Variants in FMN1 observed in about 807,000 individuals in gnomAD.
The protein encoded by FMN1 is formin-1.
Under a neutral mutation model 132.4 loss-of-function variants are expected in FMN1, and 110 were observed. The observed-to-expected ratio is 0.83, with a 90% CI of 0.71 to 0.97. The LOEUF (loss-of-function observed/expected upper bound fraction) is 0.97, where lower values mean the gene tolerates loss of function less well. FMN1 is among the 50% of genes least tolerant of loss of function. The pLI is 0.00. For missense variants in FMN1, 1,792 were observed against 1,705.3 expected, an observed-to-expected ratio of 1.05 and a Z score of -0.90; for synonymous variants, 722 against 651.7, an observed-to-expected ratio of 1.11 and a Z score of -1.64.
chr15:32,778,704 G>A (rs1323270780), intron 19 of FMN1, among the ~76,000 whole-genome samples: 2 of 152,108 alleles, frequency 1.3e-5, no homozygotes, highest in Admixed American at 6.6e-5. Context: ...ATACACTGTT[G>A]ATGTGATTGT....
chr15:32,846,144 T>G (rs921945668), intron 17 of FMN1, among the ~76,000 whole-genome samples: 8 of 152,206 alleles, frequency 5.3e-5, no homozygotes, highest in Non-Finnish European at 1.0e-4. Flanking sequence ...TATTGCACAC[T>G]TAAGAATTTG....
chr15:33,034,046 T>C (rs1046150759), intron 6 of FMN1, among the ~76,000 whole-genome samples: 1 of 152,096 alleles, frequency 6.6e-6, no homozygotes, highest in African/African-American at 2.4e-5. Flanking sequence ...ACGTTCACCA[T>C]CTCATCCAGT....
intron 7 of FMN1, among the ~76,000 whole-genome samples, chr15:33,005,666 C>T (rs947495083): frequency 2.6e-5 from 4 of 152,136 alleles, no homozygotes; most frequent in Non-Finnish European, 4.4e-5. Context: ...TCAAAGCCCT[C>T]GCCAGGCTGG....
chr15:33,096,652 T>C (rs1255848749), intron 4 of FMN1, among the ~76,000 whole-genome samples: 1 of 151,756 alleles, frequency 6.6e-6, no homozygotes, highest in Non-Finnish European at 1.5e-5. Flanking sequence ...TAGGCTGGAG[T>C]GCTGTGGTGC....
chr15:32,899,797 C>T (rs542288367), intron 14 of FMN1, 182 bp downstream of exon 14: 2 of 546,024 alleles, frequency 3.7e-6, no homozygotes, highest in African/African-American at 2.6e-5. Flanking sequence ...AAAAAAAAAA[C>T]CAAACAAAAC....
chr15:32,884,842 C>T (rs1204460492), intron 16 of FMN1, among the ~76,000 whole-genome samples: 3 of 152,190 alleles, frequency 2.0e-5, no homozygotes, highest in Non-Finnish European at 1.5e-5. Context: ...TGTAGAGAAG[C>T]AAGCACAAGT....
intron 9 of FMN1, among the ~76,000 whole-genome samples, chr15:32,943,284 G>T (rs922447350): frequency 2.6e-5 from 4 of 152,178 alleles, no homozygotes; most frequent in African/African-American, 4.8e-5. Flanking sequence ...ACAGCGTGGA[G>T]AATTCACATA....
At chr15:33,125,404 C>CT (rs1237258916) in intron 4 of FMN1, among the ~76,000 whole-genome samples, 2 of 151,866 alleles carry the variant, frequency 1.3e-5, no homozygotes, top group Non-Finnish European at 2.9e-5. Context: ...AAGGTAGACT[C>CT]TTCCTAGATG....
intron 6 of FMN1, among the ~76,000 whole-genome samples, chr15:33,040,276 T>C (rs950165347): frequency 2.6e-5 from 4 of 152,204 alleles, no homozygotes; most frequent in Admixed American, 2.6e-4. Flanking sequence ...GATGACAGTC[T>C]CCTTTGTGTT....
At position 32,926,251 on chromosome 15, in the gene FMN1, A is replaced by G. The variant is rs1295311039; in HGVS notation, c.3149T>C (p.Leu1050Ser). 1 of 1,532,388 alleles carries G rather than the reference A, an allele frequency of 6.5e-7. No homozygotes were observed. Among genetic ancestry groups the G allele is most frequent in the South Asian group, 1.3e-5 (1 of 79,730 alleles). The allele number at this position is 1,532,388 out of a possible 1,614,324, so 94.9% of individuals were successfully genotyped here. The change falls in exon 10 of 21, where the codon TTG (leucine) becomes TCG (serine). Residue 1050 changes from leucine to serine, a missense_variant. Physicochemically the swap from Leu to Ser is moderately radical, Grantham distance 145. Around this residue, in one of 3 missense-constraint regions of FMN1, gnomAD observed 1,150 missense variants for 1,043.1 expected, o/e 1.10. Transcript: ENST00000616417. ...KKNKVKKIIK[L>S]LDGKRSQTVG... ...AGTTTGAGATCGTTTTCCATCCAAC[A>G]ATTTGATGATCTAAAATTAGAAAAA...
At chr15:33,011,308 C>T (rs1327987627) in intron 6 of FMN1, among the ~76,000 whole-genome samples, 1 of 152,040 alleles carries the variant, frequency 6.6e-6, no homozygotes, top group Non-Finnish European at 1.5e-5. Flanking sequence ...ATTAGTTACA[C>T]AAAGAATGAT....
Position 33,069,993 on chromosome 15 carries a change from CTTTTTTTTTTTT to C in FMN1, c.2044-4931_2044-4920del, listed in dbSNP as rs1171369156. The stretch of plus-strand genomic sequence containing the variant: ...AACAGATCATAAGATCAGTCTTTCT[CTTTTTTTTTTTT>C]TTTTTTTTTTTTTTTTTGAGACCGA... On this transcript the variant is annotated intron_variant, in intron 5 of 20. Coordinates refer to ENST00000616417, the MANE Select transcript of FMN1 (RefSeq NM_001277313.2). 7.9e-3 allele frequency among the ~76,000 whole-genome samples: 588 copies of C among 74,336 alleles called. 4 individuals are homozygous for C. Among genetic ancestry groups the C allele is most frequent in the Non-Finnish European group, 0.01 (408 of 40,646 alleles). 48.8% of individuals were successfully genotyped at this position (74,336 alleles called of 152,430 possible). A position where few individuals can be genotyped will look rare whatever the true frequency, so the allele number is the denominator to read the frequency against.
chr15:32,992,664 CTAA>C (rs1434823362), intron 7 of FMN1, among the ~76,000 whole-genome samples: 10 of 152,140 alleles, frequency 6.6e-5, no homozygotes, highest in African/African-American at 2.4e-4. Flanking sequence ...TCACTTTCTT[CTAA>C]TATCCTAATC....
intron 3 of FMN1, among the ~76,000 whole-genome samples, chr15:33,164,039 G>T (rs12591081): frequency 0.36 from 55,016 of 151,978 alleles, 11,748 homozygotes; most frequent in Admixed American, 0.46. Context: ...GGGAAAAAAG[G>T]CACCAGAGGA....
chr15:32,881,636 A>G (rs2059772733), intron 16 of FMN1, among the ~76,000 whole-genome samples: 2 of 152,120 alleles, frequency 1.3e-5, no homozygotes, highest in Admixed American at 1.3e-4. Flanking sequence ...GAAAATTTTC[A>G]CCCTCATGAC....
chr15:32,902,082 A>C (rs1405502866), intron 12 of FMN1, 42 bp from the exon 13 acceptor site: 1 of 1,558,726 alleles, frequency 6.4e-7, no homozygotes, highest in African/African-American at 1.4e-5. Context: ...ACATATAATC[A>C]CAAGGAAAAT....
At chr15:32,852,779 C>G (rs1471419284) in intron 17 of FMN1, among the ~76,000 whole-genome samples, 1 of 152,140 alleles carries the variant, frequency 6.6e-6, no homozygotes, top group East Asian at 1.9e-4. Flanking sequence ...ACAATGCAAA[C>G]AAATCCAACA....
At chr15:32,829,305 C>T (rs557704622) in intron 17 of FMN1, among the ~76,000 whole-genome samples, 18 of 152,302 alleles carry the variant, frequency 1.2e-4, no homozygotes, top group African/African-American at 2.9e-4. Flanking sequence ...ACATGCGCTC[C>T]GGCGAAAGTT....
intron 4 of FMN1, among the ~76,000 whole-genome samples, chr15:33,128,548 A>C (rs1028637616): frequency 4.6e-5 from 7 of 152,330 alleles, no homozygotes; most frequent in Middle Eastern, 3.4e-3. Flanking sequence ...GTAAACACAT[A>C]CCGAGTCCGG....
Sources: allele counts gnomAD v4.1 joint callset (sites outside exome capture counted in the v4.1 genomes callset), GRCh38; gene constraint gnomAD v4.1.1; regional missense constraint gnomAD v4.1.1; transcripts MANE v1.5; gene names NCBI Gene and HGNC (gene_info 2026-07-23, HGNC 2026-07-21).